HPSE2: variants seen among roughly 807,000 people sequenced by gnomAD.
HPSE2 encodes heparanase 2 (inactive), also known as inactive heparanase-2.
Under a neutral mutation model 60.5 loss-of-function variants are expected in HPSE2, and 38 were observed. That is an observed-to-expected ratio of 0.63 (90% CI 0.48 to 0.82). The LOEUF is 0.82. Ranked by LOEUF, HPSE2 falls within the 40% of genes least tolerant of loss-of-function variation. The pLI is 0.00. For synonymous variants in HPSE2, 295 were observed against 293.2 expected (o/e 1.01, Z -0.06); for missense variants, 713 against 740.4 (o/e 0.96, Z 0.43).
intron 3 of HPSE2, among the ~76,000 whole-genome samples, chr10:99,121,936 G>A (rs10883275): frequency 6.6e-6 from 1 of 151,840 alleles, no homozygotes; most frequent in Admixed American, 6.6e-5. Flanking sequence ...GTAATTCTAA[G>A]GTAGCCATTA....
chr10:98,876,388 C>T (rs932261221), intron 3 of HPSE2, among the ~76,000 whole-genome samples: 2 of 151,742 alleles, frequency 1.3e-5, no homozygotes, highest in South Asian at 2.1e-4. Flanking sequence ...CAAGAGGCAG[C>T]GCCTTCCAAA....
chr10:99,296,910 G>A, the HPSE2 span, among the ~76,000 whole-genome samples: 2 of 152,162 alleles, frequency 1.3e-5, no homozygotes, highest in African/African-American at 4.8e-5. Flanking sequence ...GCAGTTGGCA[G>A]GAAGGCAATC....
intron 3 of HPSE2, among the ~76,000 whole-genome samples, chr10:99,123,393 G>GT (rs1334006073): frequency 1.3e-5 from 2 of 152,220 alleles, no homozygotes; most frequent in East Asian, 1.9e-4. Context: ...ACAATTAGAT[G>GT]TTTTTTAGCT....
intron 3 of HPSE2, among the ~76,000 whole-genome samples, chr10:98,978,572 T>TAC (rs1485088610): frequency 6.6e-6 from 1 of 152,206 alleles, no homozygotes; most frequent in Non-Finnish European, 1.5e-5. Flanking sequence ...AATAATTACT[T>TAC]ACTTCAGCTT....
chr10:99,103,298 A>C (rs548642524), intron 3 of HPSE2, among the ~76,000 whole-genome samples: 1 of 152,330 alleles, frequency 6.6e-6, no homozygotes, highest in African/African-American at 2.4e-5. Context: ...CAGGATACAA[A>C]ATCAATGTAC....
At chr10:98,903,007 AAGAG>A (rs1317650758) in intron 3 of HPSE2, among the ~76,000 whole-genome samples, 1 of 152,176 alleles carries the variant, frequency 6.6e-6, no homozygotes. Flanking sequence ...TAATAGCTAA[AAGAG>A]AGAAATAATC....
intron 3 of HPSE2, among the ~76,000 whole-genome samples, chr10:98,772,435 G>A (rs1015304816): frequency 6.6e-6 from 1 of 152,156 alleles, no homozygotes; most frequent in African/African-American, 2.4e-5. Context: ...CTGAAGACAT[G>A]GCCAGGACTT....
chr10:98,906,709 T>C (rs1432616068), intron 3 of HPSE2, among the ~76,000 whole-genome samples: 2 of 152,120 alleles, frequency 1.3e-5, no homozygotes, highest in East Asian at 3.9e-4. Flanking sequence ...ATCGAGACCA[T>C]TCTGGTCAAC....
chr10:99,053,854 G>A (rs575564142), intron 3 of HPSE2, among the ~76,000 whole-genome samples: 9 of 143,798 alleles, frequency 6.3e-5, no homozygotes, highest in East Asian at 4.4e-4. Context: ...TCAGCCTCCC[G>A]AATGCTGGGA....
At chr10:98,658,970 A>G (rs1947152203) in intron 6 of HPSE2, among the ~76,000 whole-genome samples, 1 of 152,028 alleles carries the variant, frequency 6.6e-6, no homozygotes, top group Non-Finnish European at 1.5e-5. Context: ...AACCATTTTA[A>G]AGTGCAATTT....
At chr10:98,741,639 A>C (rs1458438123) in intron 4 of HPSE2, among the ~76,000 whole-genome samples, 1 of 152,116 alleles carries the variant, frequency 6.6e-6, no homozygotes, top group African/African-American at 2.4e-5. Flanking sequence ...TATTCCCATC[A>C]ATCACTTGTA....
At chr10:98,549,387 TGTC>T (rs60449340) in intron 9 of HPSE2, among the ~76,000 whole-genome samples, 129,369 of 151,926 alleles carry the variant, frequency 0.85, 56,291 homozygotes, top group East Asian at 1. Context: ...TGAAGATAAA[TGTC>T]GTATTCATTA....
the HPSE2 span, among the ~76,000 whole-genome samples, chr10:99,289,683 A>G: frequency 6.6e-6 from 1 of 152,170 alleles, no homozygotes; most frequent in Non-Finnish European, 1.5e-5. Context: ...ATGGTGCCCT[A>G]CTTGCAATGA....
chr10:98,780,963 T>C (rs1322459198), intron 3 of HPSE2, among the ~76,000 whole-genome samples: 2 of 151,912 alleles, frequency 1.3e-5, no homozygotes, highest in East Asian at 3.9e-4. Flanking sequence ...TATGTAGGAG[T>C]GATGTGCCAC....
chr10:98,975,984 A>G (rs761203227), intron 3 of HPSE2, among the ~76,000 whole-genome samples: 7 of 152,232 alleles, frequency 4.6e-5, no homozygotes, highest in Non-Finnish European at 8.8e-5. Flanking sequence ...CCCCGCTCAT[A>G]ACAAGGTAGA....
In HPSE2 at chr10:98,480,580, G is replaced by A. The variant is rs144607126; in HGVS notation, c.1613+2056C>T. On this transcript the variant is annotated intron_variant, in intron 11 of 11. Transcript: ENST00000370552. ...GAATCATCTTGGAGGCAGGGACGTAGGGGTGGGGTAAATAGGTTTAGAGTC... is the reference window on the plus strand; with the variant it reads ...GAATCATCTTGGAGGCAGGGACGTAAGGGTGGGGTAAATAGGTTTAGAGTC... Among the ~76,000 whole-genome samples, 788 of 152,302 alleles carry A rather than the reference G, an allele frequency of 5.2e-3. 11 individuals carry two copies. The highest frequency in any genetic ancestry group is 0.018 in the African/African-American group (751 of 41,554).
intron 9 of HPSE2, among the ~76,000 whole-genome samples, chr10:98,559,670 G>C (rs1215588622): frequency 6.6e-6 from 1 of 152,212 alleles, no homozygotes; most frequent in African/African-American, 2.4e-5. Flanking sequence ...GTGAAGAGCA[G>C]GTGAATGACG....
chr10:98,675,578 A>ACACAC (rs57464346), intron 6 of HPSE2, among the ~76,000 whole-genome samples: 1 of 150,544 alleles, frequency 6.6e-6, no homozygotes, highest in Non-Finnish European at 1.5e-5. Context: ...ACACACACAC[A>ACACAC]ATAACCAGCC....
At chr10:98,829,777 T>C (rs543446497) in intron 3 of HPSE2, among the ~76,000 whole-genome samples, 1 of 152,360 alleles carries the variant, frequency 6.6e-6, no homozygotes, top group South Asian at 2.1e-4. Context: ...AAAGTGATTT[T>C]TCAACACTAC....
Sources: allele counts gnomAD v4.1 joint callset (sites outside exome capture counted in the v4.1 genomes callset), GRCh38; gene constraint gnomAD v4.1.1; transcripts MANE v1.5; gene names NCBI Gene and HGNC (gene_info 2026-07-23, HGNC 2026-07-21).